Variants in ARHGAP12 observed in about 807,000 individuals in gnomAD.
ARHGAP12 encodes Rho GTPase activating protein 12, also known as rho GTPase-activating protein 12.
In ARHGAP12, 64 loss-of-function variants were observed where a neutral mutation model predicts 108.6. That is an observed-to-expected ratio of 0.59 (90% CI 0.48 to 0.73). ARHGAP12 has a LOEUF of 0.73. ARHGAP12 is among the 30% of genes least tolerant of loss of function. ARHGAP12 has a pLI of 0.00. For synonymous variants in ARHGAP12, 312 were observed against 337.2 expected (o/e 0.93, Z 0.82); for missense variants, 940 against 1,005.9 (o/e 0.93, Z 0.89).
At chr10:31,868,174 G>C (rs561651992) in intron 3 of ARHGAP12, among the ~76,000 whole-genome samples, 151 of 151,870 alleles carry the variant, frequency 9.9e-4, no homozygotes, top group African/African-American at 3.5e-3. Context: ...CTCCAGCCTG[G>C]GTGACAGAGC....
intron 1 of ARHGAP12, among the ~76,000 whole-genome samples, chr10:31,926,954 T>C (rs1205856111): frequency 2.6e-5 from 4 of 152,236 alleles, no homozygotes; most frequent in Non-Finnish European, 5.9e-5. Flanking sequence ...ATCTTAACAA[T>C]CAATGAGTCA....
rs117671168 is a variant in ARHGAP12 at position 31,889,549 on chromosome 10, C to T, written c.684+18623G>A. On this transcript the variant is annotated intron_variant, in intron 3 of 19. Transcript: ENST00000344936. ...CTTTGAAAGTGTAAAAATCCAGTAA[C>T]CACTTAAAAATTTTATCTTCTGTGA... Among the ~76,000 whole-genome samples, 8 of 151,450 alleles carry T rather than the reference C, an allele frequency of 5.3e-5. No individual in the cohort carries two copies. The East Asian group carries it at 1.5e-3, about 29-fold the overall frequency.
Position 31,861,452 on chromosome 10 carries a change from A to T in ARHGAP12, c.891T>A (p.Arg297=). ...TGCTGATGCTTGCATCCCGAGTCCAACGAGGAGGTTTCCAAGTTCTTTCCT... is the reference window on the plus strand; with the variant it reads ...TGCTGATGCTTGCATCCCGAGTCCATCGAGGAGGTTTCCAAGTTCTTTCCT... The part of the protein sequence containing the change: ...GTQERTWKPP[R]WTRDASISKG... Residue 297 remains arginine (R), a synonymous_variant, in exon 4 of 20, where the codon CGT becomes CGA. Coordinates refer to ENST00000344936, the MANE Select transcript of ARHGAP12 (RefSeq NM_018287.7). The T allele has an allele frequency of 6.2e-7, 1 of 1,614,198 alleles. No homozygotes were observed. Among genetic ancestry groups the T allele is most frequent in the Non-Finnish European group, 8.5e-7 (1 of 1,180,022 alleles).
chr10:31,818,128 T>C (rs184381556), intron 12 of ARHGAP12, among the ~76,000 whole-genome samples: 2 of 152,260 alleles, frequency 1.3e-5, no homozygotes, highest in East Asian at 3.9e-4. Context: ...AATCTAATAA[T>C]TTAGGATCCC....
intron 15 of ARHGAP12, among the ~76,000 whole-genome samples, chr10:31,811,226 G>C (rs1332572083): frequency 1.3e-5 from 2 of 152,194 alleles, no homozygotes; most frequent in African/African-American, 4.8e-5. Flanking sequence ...TGTAGTTCCT[G>C]AACACCAACA....
chr10:31,889,618 C>CTT (rs1564414245), intron 3 of ARHGAP12, among the ~76,000 whole-genome samples: 19 of 101,532 alleles, frequency 1.9e-4, no homozygotes, highest in African/African-American at 7.0e-4. Flanking sequence ...TAATTTTTCT[C>CTT]GTTTTTTTTT....
At chr10:31,842,259 G>C (rs75333361) in intron 7 of ARHGAP12, among the ~76,000 whole-genome samples, 1,819 of 152,138 alleles carry the variant, frequency 0.012, 37 homozygotes, top group African/African-American at 0.042. Context: ...TGGTATTTGG[G>C]AGATTCCTAT....
chr10:31,881,033 C>T (rs892388356), intron 3 of ARHGAP12, among the ~76,000 whole-genome samples: 2 of 151,786 alleles, frequency 1.3e-5, no homozygotes, highest in African/African-American at 4.8e-5. Flanking sequence ...ACCTCAATTC[C>T]CCCCACCTTC....
intron 1 of ARHGAP12, among the ~76,000 whole-genome samples, chr10:31,924,270 G>C (rs1592393598): frequency 2.0e-5 from 3 of 152,302 alleles, no homozygotes. Flanking sequence ...ATAATGGCCA[G>C]AAATTGAAAA....
At chr10:31,919,942 C>T (rs1305534971) in intron 1 of ARHGAP12, among the ~76,000 whole-genome samples, 1 of 151,172 alleles carries the variant, frequency 6.6e-6, no homozygotes, top group Non-Finnish European at 1.5e-5. Context: ...ATGGTGAAAC[C>T]CCATCTCTAC....
chr10:31,887,709 G>A (rs146840785), intron 3 of ARHGAP12, among the ~76,000 whole-genome samples: 3,212 of 147,690 alleles, frequency 0.022, 132 homozygotes, highest in African/African-American at 0.076. Context: ...CCAGGCTGGA[G>A]TGCAGTGGCG....
intron 11 of ARHGAP12, among the ~76,000 whole-genome samples, chr10:31,821,730 A>T (rs1333333431): frequency 6.6e-6 from 1 of 152,212 alleles, no homozygotes; most frequent in Non-Finnish European, 1.5e-5. Flanking sequence ...TTATTAGTGG[A>T]GTCAATGAAA....
intron 1 of ARHGAP12, among the ~76,000 whole-genome samples, chr10:31,922,108 G>C (rs1028457745): frequency 7.0e-6 from 1 of 143,502 alleles, no homozygotes; most frequent in Non-Finnish European, 1.5e-5. Flanking sequence ...TTGTGTCCAG[G>C]AGGCAAAGGC....
At chr10:31,926,957 A>G (rs1283168469) in intron 1 of ARHGAP12, among the ~76,000 whole-genome samples, 2 of 152,254 alleles carry the variant, frequency 1.3e-5, no homozygotes, top group African/African-American at 4.8e-5. Context: ...TTAACAATCA[A>G]TGAGTCATCA....
intron 1 of ARHGAP12, among the ~76,000 whole-genome samples, chr10:31,920,449 C>CAAAAAAAA (rs71027040): frequency 6.9e-4 from 41 of 59,546 alleles, no homozygotes; most frequent in East Asian, 1.1e-3. Context: ...GACTCCGTCT[C>CAAAAAAAA]AAAAAAAAAA....
intron 1 of ARHGAP12, among the ~76,000 whole-genome samples, chr10:31,922,819 G>C (rs180873341): frequency 6.6e-6 from 1 of 151,936 alleles, no homozygotes; most frequent in Non-Finnish European, 1.5e-5. Context: ...CAAAACCAAA[G>C]ACATTATAAA....
intron 3 of ARHGAP12, among the ~76,000 whole-genome samples, chr10:31,885,785 C>T (rs1194257305): frequency 6.6e-6 from 1 of 150,874 alleles, no homozygotes; most frequent in Non-Finnish European, 1.5e-5. Context: ...CGCTCCTGCA[C>T]TCCAACCTGG....
At position 31,928,783 on chromosome 10, in the gene ARHGAP12, C is replaced by T. The variant is rs1290293963; in HGVS notation, c.-211G>A. The stretch of plus-strand genomic sequence containing the variant: ...CGAAGAGCGTTCACACGGCTACGGC[C>T]GCGGCCGGCCCGTCCCCGCAGGCTG... On this transcript the variant is annotated 5_prime_UTR_variant, in exon 1 of 20. Transcript: ENST00000344936. The T allele has an allele frequency of 1.3e-5, 2 of 151,930 alleles. No homozygotes were observed. Among genetic ancestry groups the T allele is most frequent in the Admixed American group, 6.6e-5 (1 of 15,266 alleles). 9.4% of individuals were successfully genotyped at this position (151,930 alleles called of 1,614,324 possible).
At chr10:31,821,662 G>A (rs183385351) in intron 11 of ARHGAP12, among the ~76,000 whole-genome samples, 4 of 152,124 alleles carry the variant, frequency 2.6e-5, no homozygotes, top group South Asian at 2.1e-4. Flanking sequence ...ACCTGTTCCC[G>A]TTTACATCTT....
Sources: gnomAD v4.1 joint callset for allele counts (sites outside exome capture counted in the v4.1 genomes callset) on GRCh38, gnomAD v4.1.1 for gene constraint, MANE v1.5 for transcripts, NCBI Gene and HGNC (gene_info 2026-07-23, HGNC 2026-07-21) for gene names.